Variants in ECT2L observed in about 807,000 individuals in gnomAD.
ECT2L encodes epithelial cell-transforming sequence 2 oncogene-like.
A neutral mutation model predicts 122.8 loss-of-function variants in ECT2L; 126 were observed. The ratio of observed to expected loss-of-function variants is 1.03; its 90% CI spans 0.89 to 1.19. The LOEUF is 1.19. ECT2L is among the 50% of genes most tolerant of loss of function. The pLI is 0.00. For synonymous variants in ECT2L, 385 were observed against 381.8 expected, an observed-to-expected ratio of 1.01 and a Z score of -0.10; for missense variants, 1,012 against 1,064.1, an observed-to-expected ratio of 0.95 and a Z score of 0.68.
chr6:138,802,298 C>G (rs1203197608), intron 1 of ECT2L, among the ~76,000 whole-genome samples: 2 of 152,230 alleles, frequency 1.3e-5, no homozygotes, highest in Non-Finnish European at 2.9e-5. Flanking sequence ...TGGTGAGAGA[C>G]CCTAAGCTGG....
At chr6:138,886,412 T>C (rs1224974862) in intron 18 of ECT2L, among the ~76,000 whole-genome samples, 1 of 152,180 alleles carries the variant, frequency 6.6e-6, no homozygotes, top group Non-Finnish European at 1.5e-5. Context: ...ATTGAAATTT[T>C]TTTTTTCTTT....
At chr6:138,863,291 AC>A in intron 11 of ECT2L, among the ~76,000 whole-genome samples, 1 of 152,292 alleles carries the variant, frequency 6.6e-6, no homozygotes, top group South Asian at 2.1e-4. Context: ...TCTTTAAAAC[AC>A]CCTTGATTCC....
chr6:138,858,881 T>A (rs1197439043), intron 10 of ECT2L, among the ~76,000 whole-genome samples: 1 of 151,924 alleles, frequency 6.6e-6, no homozygotes, highest in African/African-American at 2.4e-5. Context: ...AATTTTTTTT[T>A]ATTTTTAGTA....
At position 138,889,047 on chromosome 6, in the gene ECT2L, C is replaced by T. The variant is rs574198554; in HGVS notation, c.2414+16C>T. Reference sequence around the variant, plus strand: ...TCTCTTTAAGGTAAACAATAGTTAACTATCCTAAGGCTGTGGACACCTTCC... The same window carrying T: ...TCTCTTTAAGGTAAACAATAGTTAATTATCCTAAGGCTGTGGACACCTTCC... On this transcript the variant is annotated intron_variant, in intron 20 of 21. Transcript: ENST00000541398. The T allele has an allele frequency of 9.5e-6, 14 of 1,473,538 alleles. No individual in the cohort carries two copies. The highest frequency in any genetic ancestry group is 1.1e-5 in the Non-Finnish European group (12 of 1,085,336). 91.3% of individuals were successfully genotyped at this position (1,473,538 alleles called of 1,614,324 possible).
chr6:138,857,950 A>C (rs1292545965), intron 10 of ECT2L, among the ~76,000 whole-genome samples: 3 of 152,126 alleles, frequency 2.0e-5, no homozygotes, highest in Non-Finnish European at 4.4e-5. Flanking sequence ...CGGCAGGAGG[A>C]GGAAGAATGA....
intron 11 of ECT2L, among the ~76,000 whole-genome samples, chr6:138,864,002 TAA>T (rs1172466449): frequency 3.0e-4 from 17 of 55,868 alleles, no homozygotes; most frequent in African/African-American, 1.0e-3. Context: ...TCTCCGTATT[TAA>T]AAAAAAAAAA....
intron 20 of ECT2L, among the ~76,000 whole-genome samples, chr6:138,890,280 T>C (rs949751317): frequency 2.6e-5 from 4 of 152,156 alleles, no homozygotes; most frequent in African/African-American, 9.6e-5. Context: ...TTAACTCCTT[T>C]AATTTGTTCA....
rs184283213 is a variant in ECT2L, at chr6:138,895,684, C to T, written c.2415-5264C>T. On this transcript the variant is annotated intron_variant, in intron 20 of 21. Coordinates refer to ENST00000541398, the MANE Select transcript of ECT2L (RefSeq NM_001077706.3). ...CTCCGGGGTTCAAGCGATTCTCATG[C>T]CTCAGCCTCCCAAAAAAGCTTGAAG... is the stretch of plus-strand genomic sequence containing the variant. Among the ~76,000 whole-genome samples, 77 of 152,154 alleles carry T rather than the reference C, an allele frequency of 5.1e-4. 1 individual carries two copies. Among genetic ancestry groups the T allele is most frequent in the Admixed American group, 4.4e-3 (67 of 15,284 alleles).
intron 1 of ECT2L, among the ~76,000 whole-genome samples, chr6:138,799,959 C>A (rs1448118173): frequency 6.6e-6 from 1 of 152,188 alleles, no homozygotes; most frequent in African/African-American, 2.4e-5. Context: ...AGTGCCGTGT[C>A]AGTCAGTGTA....
intron 20 of ECT2L, among the ~76,000 whole-genome samples, chr6:138,890,625 A>G (rs1231774923): frequency 2.0e-5 from 3 of 149,682 alleles, no homozygotes; most frequent in Non-Finnish European, 3.0e-5. Context: ...TGATGATTCC[A>G]GTTTTTGATT....
chr6:138,836,636 CTGATTTCT>C (rs1776850584), intron 4 of ECT2L, among the ~76,000 whole-genome samples: 2 of 150,286 alleles, frequency 1.3e-5, no homozygotes. Context: ...TGGTGATTTC[CTGATTTCT>C]TAATTCCTTC....
chr6:138,887,525 T>G (rs563695195), intron 19 of ECT2L, among the ~76,000 whole-genome samples: 2 of 152,270 alleles, frequency 1.3e-5, no homozygotes, highest in South Asian at 4.1e-4. Flanking sequence ...CGCCCAGCCA[T>G]GTTCTACTTG....
At chr6:138,820,944 C>T (rs1776247859) in intron 4 of ECT2L, among the ~76,000 whole-genome samples, 1 of 152,206 alleles carries the variant, frequency 6.6e-6, no homozygotes, top group South Asian at 2.1e-4. Flanking sequence ...TAATGAGCCT[C>T]ACCCCTAGAG....
chr6:138,835,085 A>G (rs1460165716), intron 4 of ECT2L, among the ~76,000 whole-genome samples: 1 of 152,188 alleles, frequency 6.6e-6, no homozygotes, highest in African/African-American at 2.4e-5. Context: ...GGAAGAACAC[A>G]GAAAATAAAT....
chr6:138,866,850 A>G (rs1014800031), intron 12 of ECT2L, among the ~76,000 whole-genome samples: 2 of 151,822 alleles, frequency 1.3e-5, no homozygotes, highest in Admixed American at 1.3e-4. Flanking sequence ...AGGCAGGTGG[A>G]TTGCTTGAGC....
chr6:138,853,899 C>A, intron 9 of ECT2L, 127 bp from the exon 10 acceptor site: 1 of 1,016,688 alleles, frequency 9.8e-7, no homozygotes, highest in South Asian at 1.5e-5. Context: ...GCAGAGATGC[C>A]TCAGGTGTCT....
Position 138,903,937 on chromosome 6 carries a change from A to AT in ECT2L, c.*1316dup, listed in dbSNP as rs1779493202. ...GACTGTGAATCTATAGTATTTAAAC[A>AT]TTTTTTCTTTCAGAAATGAAAATAC... On this transcript the variant is annotated 3_prime_UTR_variant, in exon 22 of 22. Coordinates refer to ENST00000541398, the MANE Select transcript of ECT2L (RefSeq NM_001077706.3). 1 of 152,156 alleles carries AT rather than the reference A, an allele frequency of 6.6e-6. No homozygotes were observed. Among genetic ancestry groups the AT allele is most frequent in the Non-Finnish European group, 1.5e-5 (1 of 68,014 alleles). 9.4% of individuals were successfully genotyped at this position (152,156 alleles called of 1,614,324 possible). A position where few individuals can be genotyped will look rare whatever the true frequency, so the allele number is the denominator to read the frequency against.
intron 12 of ECT2L, among the ~76,000 whole-genome samples, chr6:138,867,082 C>T (rs1163126234): frequency 7.3e-6 from 1 of 137,284 alleles, no homozygotes; most frequent in Non-Finnish European, 1.5e-5. Flanking sequence ...TCAAAAAAAA[C>T]AAAAAAACAA....
chr6:138,865,676 C>T (rs770110435), intron 12 of ECT2L, among the ~76,000 whole-genome samples: 23 of 152,330 alleles, frequency 1.5e-4, no homozygotes, highest in East Asian at 3.9e-4. Flanking sequence ...AGCCCCATGA[C>T]GGAATGAATG....
Sources: allele counts gnomAD v4.1 joint callset (sites outside exome capture counted in the v4.1 genomes callset), GRCh38; gene constraint gnomAD v4.1.1; transcripts MANE v1.5; gene names NCBI Gene and HGNC (gene_info 2026-07-23, HGNC 2026-07-21).